ZDHHC21: variants seen among roughly 807,000 people sequenced by gnomAD.
ZDHHC21 encodes palmitoyltransferase ZDHHC21.
ZDHHC21 carries 15 observed loss-of-function variants against 34.6 expected under a neutral mutation model. That is an observed-to-expected ratio of 0.43 (90% CI 0.29 to 0.67). The LOEUF is 0.67. Ranked by LOEUF, ZDHHC21 falls within the 30% of genes least tolerant of loss-of-function variation. The pLI is 0.14. For synonymous variants in ZDHHC21, 142 were observed against 101.8 expected (o/e 1.40, Z -2.38); for missense variants, 344 against 327.7 (o/e 1.05, Z -0.38).
Position 14,662,299 on chromosome 9 carries a change from T to G in ZDHHC21, c.281A>C (p.Lys94Thr). ...ACGCTTTGGTCTCATCAAATTACAC[T>G]TGTTACATAATTCCCAGAACTCCCT... ...GEREFWELCN[K>T]CNLMRPKRSH... The change falls in exon 6 of 10, where the codon AAG (lysine) becomes ACG (threonine). Residue 94 changes from lysine (K) to threonine (T), a missense_variant. Physicochemically the swap from Lys to Thr is moderately conservative, Grantham distance 78. Coordinates refer to ENST00000380916, the MANE Select transcript of ZDHHC21 (RefSeq NM_178566.6). 1.2e-6 allele frequency: 2 copies of G among 1,610,788 alleles called. No homozygotes were observed. The highest frequency in any genetic ancestry group is 8.5e-7 in the Non-Finnish European group (1 of 1,178,896).
the ZDHHC21 span, among the ~76,000 whole-genome samples, chr9:14,601,387 A>G: frequency 4.1e-4 from 63 of 152,216 alleles, no homozygotes; most frequent in African/African-American, 1.5e-3. Flanking sequence ...CAACAGACAC[A>G]TGAAAAAAAG....
At chr9:14,656,097 T>C (rs747734386) in intron 7 of ZDHHC21, among the ~76,000 whole-genome samples, 1 of 151,816 alleles carries the variant, frequency 6.6e-6, no homozygotes, top group African/African-American at 2.4e-5. Context: ...TATAACGAAA[T>C]TTGGATGTGT....
At chr9:14,691,281 A>C (rs1416046657) in intron 1 of ZDHHC21, among the ~76,000 whole-genome samples, 1 of 152,098 alleles carries the variant, frequency 6.6e-6, no homozygotes, top group East Asian at 1.9e-4. Flanking sequence ...TCTCAACCCA[A>C]AGAGGTTTTC....
intron 2 of ZDHHC21, among the ~76,000 whole-genome samples, chr9:14,686,841 T>C (rs1384767797): frequency 6.7e-6 from 1 of 150,132 alleles, no homozygotes; most frequent in Admixed American, 6.6e-5. Flanking sequence ...GGCGTGGTGG[T>C]GTGTGCCTGT....
the ZDHHC21 span, among the ~76,000 whole-genome samples, chr9:14,601,282 A>C: frequency 6.6e-6 from 1 of 152,224 alleles, no homozygotes; most frequent in Admixed American, 6.5e-5. Context: ...ACAATGTACA[A>C]GGAATTTAAA....
rs1824122964 is a variant in ZDHHC21, at chr9:14,616,200, T to G, written c.*2766A>C. On this transcript the variant is annotated 3_prime_UTR_variant, in exon 10 of 10. Coordinates refer to ENST00000380916, the MANE Select transcript of ZDHHC21 (RefSeq NM_178566.6). Reference sequence around the variant, plus strand: ...GGTTGTCTTTGTAGCTACAATACATTTCTATGTTTTGTAATAAATTGGTAA... The same window carrying G: ...GGTTGTCTTTGTAGCTACAATACATGTCTATGTTTTGTAATAAATTGGTAA... 6.6e-6 allele frequency: 1 copy of G among 151,774 alleles called. No homozygotes were observed. Among genetic ancestry groups the G allele is most frequent in the Non-Finnish European group, 1.5e-5 (1 of 67,772 alleles). 9.4% of individuals were successfully genotyped at this position (151,774 alleles called of 1,614,324 possible).
rs755417020 is a variant in ZDHHC21 at position 14,618,267 on chromosome 9, T to A, written c.*699A>T. 6.6e-6 allele frequency: 1 copy of A among 152,480 alleles called. No individual in the cohort carries two copies. Among genetic ancestry groups the A allele is most frequent in the African/African-American group, 2.4e-5 (1 of 41,414 alleles). The allele number at this position is 152,480 out of a possible 1,614,324, so 9.4% of individuals were successfully genotyped here. A position where few individuals can be genotyped will look rare whatever the true frequency, so the allele number is the denominator to read the frequency against. On this transcript the variant is annotated 3_prime_UTR_variant, in exon 10 of 10. Transcript: ENST00000380916. ...ATAATTACAACAGTAATAGTGAAAA[T>A]TGAAAAAATTATTGTGAAAAAAATT...
At chr9:14,653,071 A>G (rs1831522485) in intron 7 of ZDHHC21, among the ~76,000 whole-genome samples, 1 of 151,992 alleles carries the variant, frequency 6.6e-6, no homozygotes, top group Non-Finnish European at 1.5e-5. Context: ...CCCACAAAAA[A>G]TATGTATAAT....
downstream of ZDHHC21, among the ~76,000 whole-genome samples, chr9:14,608,680 C>A (rs1823098413): frequency 6.7e-6 from 1 of 150,280 alleles, no homozygotes; most frequent in African/African-American, 2.5e-5. Context: ...TTCAAGCTAA[C>A]ACATATCCTC....
intron 2 of ZDHHC21, among the ~76,000 whole-genome samples, chr9:14,683,322 AAG>A (rs1837715391): frequency 1.4e-5 from 1 of 72,594 alleles, no homozygotes; most frequent in South Asian, 5.7e-4. Flanking sequence ...TAAAGAAGAA[AAG>A]AGAGAAGAAT....
intron 8 of ZDHHC21, among the ~76,000 whole-genome samples, chr9:14,626,992 T>C (rs1199473694): frequency 6.6e-6 from 1 of 152,058 alleles, no homozygotes; most frequent in Non-Finnish European, 1.5e-5. Flanking sequence ...ATATGTGAGC[T>C]GGGGTCAGCA....
intron 7 of ZDHHC21, among the ~76,000 whole-genome samples, chr9:14,658,422 T>C (rs531254513): frequency 4.6e-4 from 70 of 151,232 alleles, no homozygotes; most frequent in Middle Eastern, 3.4e-3. Flanking sequence ...TGTTAATAAT[T>C]GTATGCTACA....
intron 5 of ZDHHC21, 114 bp from the exon 6 acceptor site, chr9:14,662,440 T>C (rs1347247984): frequency 1.4e-5 from 10 of 714,290 alleles, no homozygotes; most frequent in Non-Finnish European, 2.0e-5. Context: ...CTCTAAGAGA[T>C]TTTTCTTCTA....
the ZDHHC21 span, among the ~76,000 whole-genome samples, chr9:14,597,840 AC>A: frequency 1.1e-4 from 17 of 152,040 alleles, no homozygotes; most frequent in African/African-American, 4.1e-4. Flanking sequence ...CTAAAGACAG[AC>A]CCACCCAGCC....
At chr9:14,668,125 C>A (rs1834816753) in intron 5 of ZDHHC21, among the ~76,000 whole-genome samples, 2 of 89,808 alleles carry the variant, frequency 2.2e-5, no homozygotes, top group Non-Finnish European at 4.3e-5. Flanking sequence ...CCAAAATCTC[C>A]TTAAGCTGAT....
the ZDHHC21 span, among the ~76,000 whole-genome samples, chr9:14,605,631 G>A: frequency 7.4e-4 from 113 of 152,124 alleles, 3 homozygotes; most frequent in East Asian, 0.017. Context: ...TCTCCCATTC[G>A]ATAGACTGCC....
Position 14,613,257 on chromosome 9 carries a change from C to T in ZDHHC21, c.*5709G>A, listed in dbSNP as rs1823620759. ...AACATTAAATTCTACTTTATAAATA[C>T]ACAACGATGTGAGAAGAAAACTCAG... On this transcript the variant is annotated 3_prime_UTR_variant, in exon 10 of 10. Transcript: ENST00000380916. 6.6e-6 allele frequency: 1 copy of T among 151,736 alleles called. No individual in the cohort carries two copies. Among genetic ancestry groups the T allele is most frequent in the Admixed American group, 6.6e-5 (1 of 15,196 alleles). The allele number at this position is 151,736 out of a possible 1,614,324, so 9.4% of individuals were successfully genotyped here.
At chr9:14,663,468 TTTTC>T (rs568763121) in intron 5 of ZDHHC21, among the ~76,000 whole-genome samples, 7 of 150,860 alleles carry the variant, frequency 4.6e-5, no homozygotes, top group African/African-American at 1.7e-4. Flanking sequence ...CAATATTCAA[TTTTC>T]TTTTTTTTTT....
intron 6 of ZDHHC21, among the ~76,000 whole-genome samples, chr9:14,659,972 A>ATG (rs1833044028): frequency 6.6e-6 from 1 of 151,578 alleles, no homozygotes; most frequent in Admixed American, 6.6e-5. Context: ...TTGAGAAACA[A>ATG]TGTCTATGAT....
Sources: gnomAD v4.1 joint callset for allele counts (sites outside exome capture counted in the v4.1 genomes callset) on GRCh38, gnomAD v4.1.1 for gene constraint, MANE v1.5 for transcripts, NCBI Gene and HGNC (gene_info 2026-07-23, HGNC 2026-07-21) for gene names.